Variants in CDC42BPB observed in about 807,000 individuals in gnomAD.
The protein encoded by CDC42BPB is CDC42 binding protein kinase beta, also known as serine/threonine-protein kinase MRCK beta.
A neutral mutation model predicts 214.9 loss-of-function variants in CDC42BPB; 37 were observed. The observed-to-expected ratio is 0.17, with a 90% CI of 0.13 to 0.23. The LOEUF is 0.23. Among genes scored for constraint, CDC42BPB ranks in the 10% least tolerant of loss-of-function variants. The probability of loss-of-function intolerance (pLI) is 1.00; values close to 1 mark genes in which losing one functional copy is unlikely to be tolerated. For synonymous variants in CDC42BPB, 931 were observed against 884.0 expected, an observed-to-expected ratio of 1.05 and a Z score of -0.94; for missense variants, 1,694 against 2,227.0, an observed-to-expected ratio of 0.76 and a Z score of 4.82.
In CDC42BPB at chr14:102,945,105, C is replaced by T. The variant is rs918744637; in HGVS notation, c.3811+557G>A. The T allele has an allele frequency of 9.1e-5, 34 of 373,802 alleles. No individual in the cohort carries two copies. In the Admixed American group the frequency reaches 1.1e-3, roughly 12 times the overall value. The allele number at this position is 373,802 out of a possible 1,614,324, so 23.2% of individuals were successfully genotyped here. ...GGTACGGCCTCGCCCAGCGGCTGCC[C>T]CGCCCTTCTCGCTCCACGGCCATCA... On this transcript the variant is annotated intron_variant, in intron 29 of 36. Coordinates refer to ENST00000361246, the MANE Select transcript of CDC42BPB (RefSeq NM_006035.4).
intron 19 of CDC42BPB, chr14:102,963,394 GCCTAATGGAGCTCTTGA>G (rs976417476): frequency 2.0e-6 from 1 of 508,152 alleles, no homozygotes; most frequent in Admixed American, 6.4e-5. Context: ...TCTCATGAAG[GCCTAATGGAGCTCTTGA>G]CCTTCCTAAT....
At position 103,017,454 on chromosome 14, in the gene CDC42BPB, A is replaced by G. The variant is rs544343265; in HGVS notation, c.176-5266T>C. 2.0e-5 allele frequency among the ~76,000 whole-genome samples: 3 copies of G among 152,316 alleles called. No individual in the cohort carries two copies. The East Asian group carries it at 5.8e-4, about 29-fold the overall frequency. On this transcript the variant is annotated intron_variant, in intron 1 of 36. Coordinates refer to ENST00000361246, the MANE Select transcript of CDC42BPB (RefSeq NM_006035.4). Reference sequence around the variant, plus strand: ...CAAACAAAATACCTATCAATTACGCAGGGAAAATGGTGACTTTACAGTGAA... The same window carrying G: ...CAAACAAAATACCTATCAATTACGCGGGGAAAATGGTGACTTTACAGTGAA...
chr14:102,977,303 C>T (rs1219791650), intron 9 of CDC42BPB, among the ~76,000 whole-genome samples: 5 of 141,014 alleles, frequency 3.5e-5, no homozygotes, highest in Non-Finnish European at 6.0e-5. Context: ...CGTGCCTCTG[C>T]ACTCCAGCCT....
intron 26 of CDC42BPB, 30 bp from the exon 27 acceptor site, chr14:102,947,832 G>A (rs748445464): frequency 1.5e-5 from 24 of 1,611,186 alleles, no homozygotes; most frequent in South Asian, 2.2e-5. Context: ...GACCCCGCTG[G>A]GAGACACGCG....
Position 102,943,892 on chromosome 14 carries a change from A to G in CDC42BPB, c.4407T>C (p.Cys1469=). ...ATGCAACAGAAAACATATACATACT[A>G]CAGGCGACAGGAGCCGCAGGCCACA... ...ELMWPAAPVA[C]SCSPTHVTVY... Residue 1469 remains cysteine, a splice_region_variant and synonymous_variant, in exon 30 of 37, where the codon TGT becomes TGC. Transcript: ENST00000361246. The surrounding 1 kb of genome is among the most constrained non-coding windows in gnomAD (Gnocchi z 4.6). The G allele has an allele frequency of 6.2e-7, 1 of 1,605,320 alleles. No homozygotes were observed. The highest frequency in any genetic ancestry group is 8.5e-7 in the Non-Finnish European group (1 of 1,176,732).
At chr14:103,007,395 G>A (rs1332228457) in intron 3 of CDC42BPB, among the ~76,000 whole-genome samples, 2 of 152,186 alleles carry the variant, frequency 1.3e-5, no homozygotes, top group East Asian at 1.9e-4. Context: ...GGCCCGAATC[G>A]ATGGTTGTAC....
chr14:103,035,583 G>C (rs1887617720), intron 1 of CDC42BPB, among the ~76,000 whole-genome samples: 1 of 149,736 alleles, frequency 6.7e-6, no homozygotes, highest in Non-Finnish European at 1.5e-5. Context: ...GCTCATGCCG[G>C]TAATCCCAGC....
At position 102,984,949 on chromosome 14, in the gene CDC42BPB, G is replaced by C. The variant is rs184531475; in HGVS notation, c.691-1193C>G. ...AGACAGCGGGACCACTGGGGTGTTG[G>C]GCGGTGACTCCACGATGAACAACTA... On this transcript the variant is annotated intron_variant, in intron 6 of 36. Coordinates refer to ENST00000361246, the MANE Select transcript of CDC42BPB (RefSeq NM_006035.4). 2.7e-4 allele frequency among the ~76,000 whole-genome samples: 41 copies of C among 152,394 alleles called. 1 individual carries two copies. The highest frequency in any genetic ancestry group is 5.3e-4 in the Non-Finnish European group (36 of 68,040).
At chr14:102,988,483 G>T (rs1377603819) in intron 5 of CDC42BPB, among the ~76,000 whole-genome samples, 1 of 152,042 alleles carries the variant, frequency 6.6e-6, no homozygotes, top group African/African-American at 2.4e-5. Flanking sequence ...AGAAAAGCCA[G>T]AAAAACCCTG....
chr14:102,942,768 G>A (rs1440143609), intron 30 of CDC42BPB, among the ~76,000 whole-genome samples: 2 of 151,840 alleles, frequency 1.3e-5, no homozygotes, highest in Non-Finnish European at 2.9e-5. Context: ...GCAGTGGCGC[G>A]ATCTTGGATC....
In CDC42BPB at chr14:103,004,869, A is replaced by C. The variant is rs552419785; in HGVS notation, c.352-846T>G. Among the ~76,000 whole-genome samples, 207 of 151,506 alleles carry C rather than the reference A, an allele frequency of 1.4e-3. 1 individual carries two copies. Among genetic ancestry groups the C allele is most frequent in the African/African-American group, 4.8e-3 (197 of 41,230 alleles). On this transcript the variant is annotated intron_variant, in intron 3 of 36. Coordinates refer to ENST00000361246, the MANE Select transcript of CDC42BPB (RefSeq NM_006035.4). The surrounding 1 kb of genome is among the most constrained non-coding windows in gnomAD (Gnocchi z 5.3). ...GGACGACAGAGCCAGACTCCATCTCAAAAAGAAAAAAAAAATGGCTGGTCA... is the reference window on the plus strand; with the variant it reads ...GGACGACAGAGCCAGACTCCATCTCCAAAAGAAAAAAAAAATGGCTGGTCA...
chr14:102,979,874 C>G (rs1189537162), intron 8 of CDC42BPB, among the ~76,000 whole-genome samples: 1 of 152,122 alleles, frequency 6.6e-6, no homozygotes, highest in Non-Finnish European at 1.5e-5. Context: ...ACTGGAACAC[C>G]AAACAAGTCC....
intron 21 of CDC42BPB, among the ~76,000 whole-genome samples, chr14:102,957,674 C>T (rs548030793): frequency 1.3e-5 from 2 of 152,228 alleles, no homozygotes; most frequent in East Asian, 1.9e-4. Context: ...AACAGGTGTG[C>T]GTCCAGAGTG....
intron 14 of CDC42BPB, among the ~76,000 whole-genome samples, chr14:102,969,911 T>G (rs1455233224): frequency 6.6e-6 from 1 of 152,252 alleles, no homozygotes; most frequent in Non-Finnish European, 1.5e-5. Flanking sequence ...TAGGACTTAC[T>G]GTGAATTGCC....
intron 3 of CDC42BPB, among the ~76,000 whole-genome samples, chr14:103,007,598 C>T (rs534932710): frequency 2.6e-5 from 4 of 152,308 alleles, no homozygotes; most frequent in South Asian, 2.1e-4. Flanking sequence ...AAGCGCTGAC[C>T]GCAGGGCTGA....
At chr14:103,018,304 T>C (rs1886580510) in intron 1 of CDC42BPB, among the ~76,000 whole-genome samples, 1 of 152,146 alleles carries the variant, frequency 6.6e-6, no homozygotes, top group African/African-American at 2.4e-5. Flanking sequence ...GGCAAACAGC[T>C]GGGGGAGGAG....
chr14:102,966,774 G>C (rs1893223869), intron 17 of CDC42BPB, among the ~76,000 whole-genome samples: 1 of 152,232 alleles, frequency 6.6e-6, no homozygotes, highest in Non-Finnish European at 1.5e-5. Flanking sequence ...CGCTTTGGGA[G>C]GGCTCTGCCT....
intron 20 of CDC42BPB, among the ~76,000 whole-genome samples, chr14:102,960,705 C>T (rs1490745267): frequency 3.3e-5 from 5 of 152,156 alleles, no homozygotes; most frequent in African/African-American, 4.8e-5. Flanking sequence ...GACCCAAGCC[C>T]ATGGTGATCC....
intron 12 of CDC42BPB, 195 bp from the exon 13 acceptor site, chr14:102,972,356 G>A (rs983931308): frequency 6.5e-5 from 64 of 984,796 alleles, no homozygotes; most frequent in Non-Finnish European, 7.5e-5. Context: ...TGGGAAGGCC[G>A]CCTGGGCTCA....
Sources: gnomAD v4.1 joint callset for allele counts (sites outside exome capture counted in the v4.1 genomes callset) on GRCh38, gnomAD v4.1.1 for gene constraint, Gnocchi (gnomAD v3.1) non-coding constraint, MANE v1.5 for transcripts, NCBI Gene and HGNC (gene_info 2026-07-23, HGNC 2026-07-21) for gene names.